TIMM44: variants seen among roughly 807,000 people sequenced by gnomAD.
TIMM44 encodes the protein translocase of inner mitochondrial membrane 44, also known as mitochondrial import inner membrane translocase subunit TIM44.
Under a neutral mutation model 63.8 loss-of-function variants are expected in TIMM44, and 37 were observed. That is an observed-to-expected ratio of 0.58 (90% CI 0.45 to 0.76). TIMM44 has a LOEUF of 0.76. TIMM44 is among the 30% of genes least tolerant of loss of function. TIMM44 has a pLI of 0.00. For synonymous variants in TIMM44, 239 were observed against 245.1 expected (o/e 0.98, Z 0.23); for missense variants, 573 against 603.8 (o/e 0.95, Z 0.54).
chr19:7,935,700 C>G lies in TIMM44; in HGVS notation c.313-555G>C, dbSNP rs1035303309. On this transcript the variant is annotated intron_variant, in intron 3 of 12. Transcript: ENST00000270538. The stretch of plus-strand genomic sequence containing the variant: ...CCGCTTGGCAGCTACCTCCTGAGAA[C>G]AGGAGGCCCAGCCTTCACCTTTCAC... 2.0e-5 allele frequency among the ~76,000 whole-genome samples: 3 copies of G among 152,222 alleles called. No individual in the cohort carries two copies. In the South Asian group the frequency reaches 6.2e-4, roughly 32 times the overall value.
intron 1 of TIMM44, among the ~76,000 whole-genome samples, chr19:7,942,236 A>G (rs1378070180): frequency 1.3e-5 from 2 of 152,144 alleles, no homozygotes; most frequent in African/African-American, 2.4e-5. Flanking sequence ...AGTCCCACAC[A>G]CCTGTAGTAT....
Position 7,934,003 on chromosome 19 carries a change from C to T in TIMM44, c.544G>A (p.Gly182Arg). 6.2e-7 allele frequency: 1 copy of T among 1,614,028 alleles called. No individual in the cohort carries two copies. The highest frequency in any genetic ancestry group is 1.3e-5 in the African/African-American group (1 of 75,070). The change falls in exon 6 of 13, where the codon GGG becomes AGG. Residue 182 changes from glycine (G) to arginine (R), a missense_variant and splice_region_variant. Coordinates refer to ENST00000270538, the MANE Select transcript of TIMM44 (RefSeq NM_006351.4). This position sits in a 1 kb window ranked among gnomAD's most constrained non-coding sequence, Gnocchi z 5.3. Reference protein sequence around the residue: ...RTAAFRALSQGVESVKKEIDD... With the variant: ...RTAAFRALSQRVESVKKEIDD... ...ATTTCCTTCTTCACGGACTCCACCC[C>T]CTGCGAGGGAGGCACAGCGGGGCTG...
At chr19:7,937,312 A>C (rs558108052) in intron 3 of TIMM44, among the ~76,000 whole-genome samples, 1 of 152,308 alleles carries the variant, frequency 6.6e-6, no homozygotes, top group Middle Eastern at 3.4e-3. Context: ...ACCATCACCC[A>C]GTTTCCACCA....
chr19:7,935,205 G>A (rs1302734926), intron 3 of TIMM44, 60 bp from the exon 4 acceptor site: 1 of 1,422,164 alleles, frequency 7.0e-7, no homozygotes, highest in Non-Finnish European at 9.5e-7. Flanking sequence ...TGTCTCCGTT[G>A]CCGAGGCTGG....
Position 7,928,060 on chromosome 19 carries a change from C to G in TIMM44, c.1128+17G>C, listed in dbSNP as rs1467259343. The G allele has an allele frequency of 6.2e-7, 1 of 1,610,914 alleles. No homozygotes were observed. The highest frequency in any genetic ancestry group is 8.5e-7 in the Non-Finnish European group (1 of 1,178,004). On this transcript the variant is annotated intron_variant, in intron 11 of 12. Transcript: ENST00000270538. The stretch of plus-strand genomic sequence containing the variant: ...CACCCCCGATGGTGGCCCGGGCCCC[C>G]ACTGCGAGGTGCTTACGTCGACGTT...
chr19:7,940,542 C>T (rs1193792649), intron 2 of TIMM44, among the ~76,000 whole-genome samples: 1 of 152,062 alleles, frequency 6.6e-6, no homozygotes, highest in Non-Finnish European at 1.5e-5. Flanking sequence ...AAGGAGGCAG[C>T]TGAGCTGAGG....
At position 7,943,396 on chromosome 19, in the gene TIMM44, C is replaced by T. The variant is rs1984363611; in HGVS notation, c.45+211G>A. On this transcript the variant is annotated intron_variant, in intron 1 of 12. Transcript: ENST00000270538. The surrounding 1 kb of genome is among the most constrained non-coding windows in gnomAD (Gnocchi z 4.3). Reference sequence around the variant, plus strand: ...CAGCTCCCTCCCAGGTCCCGCGCATCGCCGCCCCCTGCCCGGTAAGCTCGG... The same window carrying T: ...CAGCTCCCTCCCAGGTCCCGCGCATTGCCGCCCCCTGCCCGGTAAGCTCGG... Among the ~76,000 whole-genome samples the T allele has an allele frequency of 6.6e-6, 1 of 152,100 alleles. No homozygotes were observed. The highest frequency in any genetic ancestry group is 1.5e-5 in the Non-Finnish European group (1 of 68,014).
rs1174166774 is a variant in TIMM44 at position 7,938,196 on chromosome 19, G to A, written c.143C>T (p.Ser48Phe). The A allele has an allele frequency of 4.3e-6, 7 of 1,612,044 alleles. No individual in the cohort carries two copies. The highest frequency in any genetic ancestry group is 5.9e-6 in the Non-Finnish European group (7 of 1,179,398). Residue 48 changes from serine (S) to phenylalanine (F), a missense_variant and splice_region_variant, in exon 3 of 13, where the codon TCC (serine) becomes TTC (phenylalanine). Physicochemically the swap from Ser to Phe is radical, Grantham distance 155. Transcript: ENST00000270538. ...MRRPGGELPL[S>F]KSYSSGNRKG... Reference sequence around the variant, plus strand: ...TCTGTTTCCAGAAGAATATGATTTGGACTAGAAAGAATGTACAAGAAAAAA... The same window carrying A: ...TCTGTTTCCAGAAGAATATGATTTGAACTAGAAAGAATGTACAAGAAAAAA...
rs538491568 is a variant in TIMM44 at position 7,937,891 on chromosome 19, G to A, written c.312+136C>T. ...AAATTAGCTGGGCGTGGTGGTGCGC[G>A]CCTGTAAGCCCAGCTACTCAGGAGG... On this transcript the variant is annotated intron_variant, in intron 3 of 12. Coordinates refer to ENST00000270538, the MANE Select transcript of TIMM44 (RefSeq NM_006351.4). 4.9e-5 allele frequency: 51 copies of A among 1,032,356 alleles called. No homozygotes were observed. The African/African-American group carries it at 6.2e-4, about 12-fold the overall frequency. 63.9% of individuals were successfully genotyped at this position (1,032,356 alleles called of 1,614,324 possible). A position where few individuals can be genotyped will look rare whatever the true frequency, so the allele number is the denominator to read the frequency against.
chr19:7,929,714 CCA>C, intron 10 of TIMM44, among the ~76,000 whole-genome samples: 1 of 152,052 alleles, frequency 6.6e-6, no homozygotes, highest in South Asian at 2.1e-4. Context: ...TGTGGGAGAC[CCA>C]CACTGTCCCT....
Position 7,933,996 on chromosome 19 carries a change from T to A in TIMM44, c.551A>T (p.Glu184Val), listed in dbSNP as rs1408602063. The change falls in exon 6 of 13, where the codon GAG becomes GTG. Residue 184 changes from glutamate to valine, a missense_variant. Transcript: ENST00000270538. The surrounding 1 kb of genome is among the most constrained non-coding windows in gnomAD (Gnocchi z 4.3). ...AAFRALSQGV[E>V]SVKKEIDDSV... ...GTCGTCAATTTCCTTCTTCACGGAC[T>A]CCACCCCCTGCGAGGGAGGCACAGC... 1 of 1,613,966 alleles carries A rather than the reference T, an allele frequency of 6.2e-7. No homozygotes were observed. The highest frequency in any genetic ancestry group is 2.2e-5 in the East Asian group (1 of 44,850).
chr19:7,936,259 T>C (rs148228336), intron 3 of TIMM44, among the ~76,000 whole-genome samples: 2 of 152,120 alleles, frequency 1.3e-5, no homozygotes, highest in African/African-American at 4.8e-5. Flanking sequence ...AACACCAGCC[T>C]GGCCAAAGTG....
In TIMM44 at chr19:7,933,773, C is replaced by T; in HGVS notation, c.683+91G>A. ...GCAGAAGGCAAACTCAAGAAACGGA[C>T]TCAGGAGGGAACCATTGGTGGGCTC... On this transcript the variant is annotated intron_variant, in intron 6 of 12. Coordinates refer to ENST00000270538, the MANE Select transcript of TIMM44 (RefSeq NM_006351.4). This position sits in a 1 kb window ranked among gnomAD's most constrained non-coding sequence, Gnocchi z 4.3. 6.3e-7 allele frequency: 1 copy of T among 1,581,254 alleles called. No homozygotes were observed.
rs147606808 is a variant in TIMM44 at position 7,939,691 on chromosome 19, G to A, written c.141+1411C>T. On this transcript the variant is annotated intron_variant, in intron 2 of 12. Coordinates refer to ENST00000270538, the MANE Select transcript of TIMM44 (RefSeq NM_006351.4). ...AGCACTTTGGGAGACCGAGGTGGGC[G>A]GATCACTTGAGGCCAGGAGTCCGAG... Among the ~76,000 whole-genome samples, 703 of 151,732 alleles carry A rather than the reference G, an allele frequency of 4.6e-3. 5 individuals carry two copies. Among genetic ancestry groups the A allele is most frequent in the African/African-American group, 0.016 (662 of 41,324 alleles).
rs779388792 is a variant in TIMM44 at position 7,943,570 on chromosome 19, C to T, written c.45+37G>A. Reference sequence around the variant, plus strand: ...TTGGTGGCCGAAGGCCCAGAAGACCCCTAAGCTCGCCCTGCCAGCGCCGCA... The same window carrying T: ...TTGGTGGCCGAAGGCCCAGAAGACCTCTAAGCTCGCCCTGCCAGCGCCGCA... On this transcript the variant is annotated intron_variant, in intron 1 of 12. Transcript: ENST00000270538. This position sits in a 1 kb window ranked among gnomAD's most constrained non-coding sequence, Gnocchi z 4.3. 10 of 1,562,218 alleles carry T rather than the reference C, an allele frequency of 6.4e-6. No homozygotes were observed. The South Asian group carries it at 8.1e-5, about 13-fold the overall frequency.
At chr19:7,927,464 C>A in intron 12 of TIMM44, 158 bp from the exon 13 acceptor site, 1 of 1,085,630 alleles carries the variant, frequency 9.2e-7, no homozygotes, top group Non-Finnish European at 1.4e-6. Context: ...AACCACTCAG[C>A]CTTGGTAAAA....
In TIMM44 at chr19:7,934,503, T is replaced by TACCCCCAGAGCCAC. The variant is rs1984087704; in HGVS notation, c.394-266_394-265insGTGGCTCTGGGGGT. Among the ~76,000 whole-genome samples the TACCCCCAGAGCCAC allele has an allele frequency of 5.3e-5, 8 of 150,866 alleles. No homozygotes were observed. Among genetic ancestry groups the TACCCCCAGAGCCAC allele is most frequent in the African/African-American group, 2.0e-4 (8 of 40,936 alleles). ...GAGCACACCGGCACCCCCAGAGCCA[T>TACCCCCAGAGCCAC]GAGCACACCGCCACGGCTTCCGGGA... On this transcript the variant is annotated intron_variant, in intron 4 of 12. Coordinates refer to ENST00000270538, the MANE Select transcript of TIMM44 (RefSeq NM_006351.4). This position sits in a 1 kb window ranked among gnomAD's most constrained non-coding sequence, Gnocchi z 5.3.
chr19:7,933,786 C>T lies in TIMM44; in HGVS notation c.683+78G>A. On this transcript the variant is annotated intron_variant, in intron 6 of 12. Coordinates refer to ENST00000270538, the MANE Select transcript of TIMM44 (RefSeq NM_006351.4). The surrounding 1 kb of genome is among the most constrained non-coding windows in gnomAD (Gnocchi z 4.3). ...TCAAGAAACGGACTCAGGAGGGAAC[C>T]ATTGGTGGGCTCCCGAAATGGACAG... 2 of 1,595,920 alleles carry T rather than the reference C, an allele frequency of 1.3e-6. No homozygotes were observed. Among genetic ancestry groups the T allele is most frequent in the Non-Finnish European group, 1.7e-6 (2 of 1,167,814 alleles).
Position 7,938,027 on chromosome 19 carries a change from G to A in TIMM44, c.312C>T (p.Tyr104=), listed in dbSNP as rs746616577. ...SDVLQEARRK[Y]KTIESETVRT... Reference sequence around the variant, plus strand: ...AAAAAAAAGCAGCAAAGAAACTCACGTATTTCCTTCTGGCCTCCTGGAGCA... The same window carrying A: ...AAAAAAAAGCAGCAAAGAAACTCACATATTTCCTTCTGGCCTCCTGGAGCA... Residue 104 remains tyrosine, a splice_region_variant and synonymous_variant, in exon 3 of 13, where the codon TAC becomes TAT. Transcript: ENST00000270538. 2.2e-5 allele frequency: 35 copies of A among 1,613,816 alleles called. No homozygotes were observed. Among genetic ancestry groups the A allele is most frequent in the Non-Finnish European group, 2.9e-5 (34 of 1,179,942 alleles).
Sources: gnomAD v4.1 joint callset for allele counts (sites outside exome capture counted in the v4.1 genomes callset) on GRCh38, gnomAD v4.1.1 for gene constraint, Gnocchi (gnomAD v3.1) non-coding constraint, MANE v1.5 for transcripts, NCBI Gene and HGNC (gene_info 2026-07-23, HGNC 2026-07-21) for gene names.